Variants in ISY1 observed in about 807,000 individuals in gnomAD.
ISY1 encodes ISY1 spliceosome associated protein.
A neutral mutation model predicts 54.4 loss-of-function variants in ISY1; 12 were observed. The ratio of observed to expected loss-of-function variants is 0.22; its 90% CI spans 0.14 to 0.36. ISY1 has a LOEUF of 0.36. ISY1 is among the 10% of genes least tolerant of loss of function. The pLI, the probability that ISY1 is intolerant of heterozygous loss-of-function variation, is 1.00. For missense variants in ISY1, 282 were observed against 342.2 expected, an observed-to-expected ratio of 0.82 and a Z score of 1.39; for synonymous variants, 96 against 117.9, an observed-to-expected ratio of 0.81 and a Z score of 1.20.
intron 5 of ISY1, among the ~76,000 whole-genome samples, chr3:129,152,512 G>A (rs1401508323): frequency 1.3e-5 from 2 of 151,300 alleles, no homozygotes; most frequent in South Asian, 2.1e-4. Context: ...CCAGCGATTC[G>A]CCTGCCTCAG....
Position 129,160,922 on chromosome 3 carries a change from C to CCCCGCCCG in ISY1, c.3+43_3+50dup, listed in dbSNP as rs1202356825. 5.1e-6 allele frequency: 3 copies of CCCCGCCCG among 586,688 alleles called. No homozygotes were observed. In the East Asian group the frequency reaches 1.1e-4, roughly 21 times the overall value. The allele number at this position is 586,688 out of a possible 1,614,324, so 36.3% of individuals were successfully genotyped here. ...AGCGCCCCAGGTGGACTGGGCGCCCCCCCGCCCGCCCGCCCATCCACTCGC... is the reference window on the plus strand; with the variant it reads ...AGCGCCCCAGGTGGACTGGGCGCCCCCCCGCCCGCCCGCCCGCCCGCCCATCCACTCGC... On this transcript the variant is annotated intron_variant, in intron 1 of 10. Transcript: ENST00000393295.
chr3:129,154,439 CAAAAAAAAAAAAA>C (rs58548903), intron 5 of ISY1, among the ~76,000 whole-genome samples: 9 of 33,410 alleles, frequency 2.7e-4, no homozygotes, highest in African/African-American at 6.3e-4. Context: ...GACTCCATCT[CAAAAAAAAAAAAA>C]AAAAAAAAAA....
chr3:129,134,975 G>A, intron 7 of ISY1, 21 bp from the exon 8 acceptor site: 2 of 1,592,722 alleles, frequency 1.3e-6, no homozygotes, highest in Non-Finnish European at 1.7e-6. Flanking sequence ...CAGAAATGGA[G>A]CTGAGTTTCC....
chr3:129,134,806 A>G lies in ISY1; in HGVS notation c.541+26T>C, dbSNP rs752825371. ...CAACAGAAAACAGATGCCATCTATT[A>G]TGAAATAAAATGCCCAGAGACCTAC... On this transcript the variant is annotated intron_variant, in intron 8 of 10. Coordinates refer to ENST00000393295, the MANE Select transcript of ISY1 (RefSeq NM_020701.4). 5.0e-6 allele frequency: 8 copies of G among 1,589,016 alleles called. No homozygotes were observed. The Admixed American group carries it at 8.7e-5, about 17-fold the overall frequency.
intron 5 of ISY1, among the ~76,000 whole-genome samples, chr3:129,155,812 G>A (rs772120570): frequency 1.4e-4 from 21 of 150,776 alleles, no homozygotes; most frequent in South Asian, 2.1e-4. Context: ...ACCTCCGCCC[G>A]TTAGGTTCAA....
chr3:129,130,218 C>G (rs1936198413), intron 10 of ISY1, 30 bp from the exon 11 acceptor site: 1 of 1,570,304 alleles, frequency 6.4e-7, no homozygotes. Context: ...AGGGCTCACT[C>G]CTCAGCAAAG....
chr3:129,152,088 G>C (rs547038661), intron 5 of ISY1, among the ~76,000 whole-genome samples: 2 of 152,036 alleles, frequency 1.3e-5, no homozygotes, highest in Non-Finnish European at 2.9e-5. Flanking sequence ...GAACCTGAGA[G>C]GCGGAGGTTG....
At chr3:129,137,580 C>T (rs1218147838) in intron 7 of ISY1, among the ~76,000 whole-genome samples, 1 of 152,092 alleles carries the variant, frequency 6.6e-6, no homozygotes, top group Non-Finnish European at 1.5e-5. Context: ...CTCCTGTAAT[C>T]CTAGCGCTTT....
rs140751352 is a variant in ISY1 at position 129,155,384 on chromosome 3, A to T, written c.187+1249T>A. 4.5e-3 allele frequency among the ~76,000 whole-genome samples: 683 copies of T among 151,410 alleles called. 13 individuals are homozygous for T. In the South Asian group the frequency reaches 0.058, roughly 13 times the overall value. Reference sequence around the variant, plus strand: ...TAATATTTGTATTTTTAGTAGAGACAGGGTTTCACCATGTTGGCCAGGATA... The same window carrying T: ...TAATATTTGTATTTTTAGTAGAGACTGGGTTTCACCATGTTGGCCAGGATA... On this transcript the variant is annotated intron_variant, in intron 5 of 10. Coordinates refer to ENST00000393295, the MANE Select transcript of ISY1 (RefSeq NM_020701.4).
At chr3:129,144,154 G>C (rs1315876990) in intron 6 of ISY1, 1 of 444,078 alleles carries the variant, frequency 2.3e-6, no homozygotes, top group Non-Finnish European at 4.6e-6. Flanking sequence ...AACTGCTGAA[G>C]AGATCAGGCA....
intron 7 of ISY1, among the ~76,000 whole-genome samples, chr3:129,135,487 C>G (rs868237891): frequency 2.0e-5 from 3 of 151,992 alleles, no homozygotes; most frequent in South Asian, 2.1e-4. Context: ...AAAACCAGGC[C>G]GGGTGCGGTG....
chr3:129,140,497 GA>G lies in ISY1; in HGVS notation c.301-13del, dbSNP rs748684310. 5.7e-6 allele frequency: 9 copies of G among 1,584,396 alleles called. No individual in the cohort carries two copies. The East Asian group carries it at 2.0e-4, about 35-fold the overall frequency. The stretch of plus-strand genomic sequence containing the variant: ...TTAGGGCCAACTTTCTTATTGGGAA[GA>G]AAAAAAGAGAAAATGGATCTGTTAG... On this transcript the variant is annotated splice_polypyrimidine_tract_variant and intron_variant, in intron 6 of 10. Transcript: ENST00000393295.
chr3:129,151,730 C>T (rs769299212), intron 5 of ISY1, among the ~76,000 whole-genome samples: 3 of 151,900 alleles, frequency 2.0e-5, no homozygotes, highest in Admixed American at 6.6e-5. Context: ...TTTACTTTAC[C>T]GCACTGGCTA....
At position 129,130,076 on chromosome 3, in the gene ISY1, G is replaced by A. The variant is rs1936194947; in HGVS notation, c.*5C>T. On this transcript the variant is annotated 3_prime_UTR_variant, in exon 11 of 11. Coordinates refer to ENST00000393295, the MANE Select transcript of ISY1 (RefSeq NM_020701.4). The stretch of plus-strand genomic sequence containing the variant: ...AAGAACTCCAAGGAGAGCCCCAGCT[G>A]GGTCCTAATACCCCAGGAGCCTTCT... The A allele has an allele frequency of 6.3e-7, 1 of 1,582,740 alleles. No individual in the cohort carries two copies. Among genetic ancestry groups the A allele is most frequent in the Non-Finnish European group, 8.6e-7 (1 of 1,167,866 alleles).
intron 9 of ISY1, 30 bp from the exon 10 acceptor site, chr3:129,130,666 G>A (rs1439799727): frequency 6.2e-7 from 1 of 1,612,586 alleles, no homozygotes; most frequent in African/African-American, 1.3e-5. Flanking sequence ...AAGTCCATCA[G>A]TAGGCGCCCA....
At chr3:129,132,691 A>C (rs932165782) in intron 9 of ISY1, among the ~76,000 whole-genome samples, 7 of 151,826 alleles carry the variant, frequency 4.6e-5, no homozygotes, top group Admixed American at 4.6e-4. Flanking sequence ...TATGAGCTAC[A>C]CTCCAAGCCT....
intron 5 of ISY1, among the ~76,000 whole-genome samples, chr3:129,155,401 G>C (rs1937105651): frequency 6.6e-6 from 1 of 151,502 alleles, no homozygotes; most frequent in South Asian, 2.1e-4. Context: ...CACCATGTTG[G>C]CCAGGATAGT....
At chr3:129,157,829 T>G (rs1258238118) in intron 3 of ISY1, among the ~76,000 whole-genome samples, 1 of 151,548 alleles carries the variant, frequency 6.6e-6, no homozygotes, top group Non-Finnish European at 1.5e-5. Context: ...GGTATTGGAA[T>G]TCAAGTGTAC....
chr3:129,135,350 A>G (rs1936359810), intron 7 of ISY1, among the ~76,000 whole-genome samples: 1 of 152,006 alleles, frequency 6.6e-6, no homozygotes, highest in Non-Finnish European at 1.5e-5. Flanking sequence ...TCACACAGAA[A>G]AAGAAAATAC....
Sources: gnomAD v4.1 joint callset for allele counts (sites outside exome capture counted in the v4.1 genomes callset) on GRCh38, gnomAD v4.1.1 for gene constraint, MANE v1.5 for transcripts, NCBI Gene and HGNC (gene_info 2026-07-23, HGNC 2026-07-21) for gene names.